ROBO2: variants seen among roughly 807,000 people sequenced by gnomAD.
The protein encoded by ROBO2 is roundabout guidance receptor 2.
Under a neutral mutation model 160.8 loss-of-function variants are expected in ROBO2, and 53 were observed. The ratio of observed to expected loss-of-function variants is 0.33; its 90% confidence interval spans 0.26 to 0.41. The LOEUF is 0.41. Among genes scored for constraint, ROBO2 ranks in the 10% least tolerant of loss-of-function variants. The probability of loss-of-function intolerance (pLI) is 1.00; values close to 1 mark genes in which losing one functional copy is unlikely to be tolerated. For synonymous variants in ROBO2, 664 were observed against 611.7 expected (o/e 1.09, Z -1.26); for missense variants, 1,577 against 1,722.4 (o/e 0.92, Z 1.49).
intron 2 of ROBO2, among the ~76,000 whole-genome samples, chr3:77,258,340 G>A (rs2153324872): frequency 6.6e-6 from 1 of 152,214 alleles, no homozygotes; most frequent in African/African-American, 2.4e-5. Flanking sequence ...AGGGAAATAT[G>A]AGTGCTATAA....
chr3:77,070,464 G>T (rs955918130), intron 1 of ROBO2, among the ~76,000 whole-genome samples: 4 of 151,968 alleles, frequency 2.6e-5, no homozygotes, highest in Non-Finnish European at 5.9e-5. Flanking sequence ...ATTGAACTTA[G>T]AACCCACCAT....
In ROBO2 at chr3:76,795,132, ACTG is replaced by A. The variant is rs553682461; in HGVS notation, c.110-302879_110-302877del. On this transcript the variant is annotated intron_variant, in intron 2 of 26. Transcript: ENST00000487694. ...TAATAAAAATAATTCGTAGCTGAAAACTGCTAATTATCATCTGAGACGTCAGCA... is the reference window on the plus strand; with the variant it reads ...TAATAAAAATAATTCGTAGCTGAAAACTAATTATCATCTGAGACGTCAGCA... Among the ~76,000 whole-genome samples the A allele has an allele frequency of 1.4e-3, 217 of 152,200 alleles. 1 individual carries two copies. The highest frequency in any genetic ancestry group is 5.1e-3 in the African/African-American group (212 of 41,562).
intron 2 of ROBO2, among the ~76,000 whole-genome samples, chr3:77,430,057 A>G (rs2078621198): frequency 6.6e-6 from 1 of 152,174 alleles, no homozygotes; most frequent in South Asian, 2.1e-4. Context: ...CAGGCACTGA[A>G]TGATAGCTAG....
At chr3:77,458,435 A>G (rs968141329) in intron 2 of ROBO2, among the ~76,000 whole-genome samples, 2 of 152,172 alleles carry the variant, frequency 1.3e-5, no homozygotes, top group African/African-American at 4.8e-5. Flanking sequence ...TTGGAAGAAG[A>G]AGCTGGCTTA....
intron 13 of ROBO2, among the ~76,000 whole-genome samples, chr3:77,570,081 C>G (rs1394273558): frequency 6.6e-6 from 1 of 151,914 alleles, no homozygotes; most frequent in African/African-American, 2.4e-5. Flanking sequence ...AGATACAAAA[C>G]TAACAAAGCC....
At chr3:76,998,863 G>T (rs2061179990) in intron 2 of ROBO2, among the ~76,000 whole-genome samples, 1 of 152,072 alleles carries the variant, frequency 6.6e-6, no homozygotes, top group Admixed American at 6.6e-5. Flanking sequence ...CCTGATCATA[G>T]GAAACATTTT....
intron 2 of ROBO2, among the ~76,000 whole-genome samples, chr3:75,989,885 T>G (rs2065517453): frequency 6.6e-6 from 1 of 152,206 alleles, no homozygotes; most frequent in South Asian, 2.1e-4. Context: ...TGCAGGCCCA[T>G]TTTTGGCGAT....
At chr3:76,461,128 G>A (rs2106783612) in intron 2 of ROBO2, among the ~76,000 whole-genome samples, 1 of 152,306 alleles carries the variant, frequency 6.6e-6, no homozygotes, top group Non-Finnish European at 1.5e-5. Flanking sequence ...CATCTTCTGG[G>A]CTTCCAGGGA....
intron 2 of ROBO2, among the ~76,000 whole-genome samples, chr3:76,003,821 T>A (rs973747167): frequency 1.3e-5 from 2 of 152,178 alleles, no homozygotes; most frequent in Non-Finnish European, 2.9e-5. Flanking sequence ...CAGTGGCAAA[T>A]AAGCACTGAA....
intron 2 of ROBO2, among the ~76,000 whole-genome samples, chr3:76,209,872 C>T (rs553287319): frequency 1.3e-5 from 2 of 152,116 alleles, no homozygotes; most frequent in East Asian, 3.9e-4. Context: ...AATTTATCTT[C>T]TATGGAATAC....
At chr3:77,452,329 A>G (rs1476068673) in intron 2 of ROBO2, among the ~76,000 whole-genome samples, 2 of 152,170 alleles carry the variant, frequency 1.3e-5, no homozygotes, top group Non-Finnish European at 2.9e-5. Context: ...TCATAGGAAT[A>G]TTGTTTGGAA....
rs141974669 is a variant in ROBO2 at position 76,325,345 on chromosome 3, A to G, written c.109+387743A>G. 6.2e-3 allele frequency among the ~76,000 whole-genome samples: 949 copies of G among 152,344 alleles called. 9 individuals are homozygous for G. Among genetic ancestry groups the G allele is most frequent in the African/African-American group, 0.018 (739 of 41,588 alleles). ...TACAGTAGATTAAACTAAGTTTACT[A>G]TAGGATGCATTTCTATATATGGCAA... On this transcript the variant is annotated intron_variant, in intron 2 of 26. Coordinates refer to the ROBO2 transcript ENST00000487694.
intron 2 of ROBO2, among the ~76,000 whole-genome samples, chr3:76,495,213 C>CT (rs35543664): frequency 0.44 from 59,561 of 136,202 alleles, 12,860 homozygotes; most frequent in Non-Finnish European, 0.46. Context: ...TCTTCATTTC[C>CT]TTTTTTTTTT....
rs562080321 is a variant in ROBO2, at chr3:76,340,884, G to A, written c.109+403282G>A. Reference sequence around the variant, plus strand: ...TATAATATGTTAGTAATTAGCATGCGGAAATATCTTAATAAAAATTCTTCA... The same window carrying A: ...TATAATATGTTAGTAATTAGCATGCAGAAATATCTTAATAAAAATTCTTCA... On this transcript the variant is annotated intron_variant, in intron 2 of 26. Coordinates refer to the ROBO2 transcript ENST00000487694. Among the ~76,000 whole-genome samples, 47 of 152,132 alleles carry A rather than the reference G, an allele frequency of 3.1e-4. 1 individual carries two copies. Among genetic ancestry groups the A allele is most frequent in the African/African-American group, 9.9e-4 (41 of 41,516 alleles).
At chr3:76,745,940 G>A (rs1296939794) in intron 2 of ROBO2, among the ~76,000 whole-genome samples, 7 of 148,856 alleles carry the variant, frequency 4.7e-5, no homozygotes, top group East Asian at 2.0e-4. Flanking sequence ...CCATTAACTC[G>A]TCATTTAACA....
At chr3:77,437,840 G>C (rs1161909014) in intron 2 of ROBO2, among the ~76,000 whole-genome samples, 1 of 151,888 alleles carries the variant, frequency 6.6e-6, no homozygotes, top group Admixed American at 6.6e-5. Flanking sequence ...AATACACCCT[G>C]TCCTCTGACC....
At chr3:76,461,127 G>A (rs1431949899) in intron 2 of ROBO2, among the ~76,000 whole-genome samples, 3 of 152,282 alleles carry the variant, frequency 2.0e-5, no homozygotes, top group African/African-American at 7.2e-5. Flanking sequence ...GCATCTTCTG[G>A]GCTTCCAGGG....
intron 2 of ROBO2, among the ~76,000 whole-genome samples, chr3:76,189,334 T>A (rs1278268180): frequency 6.6e-6 from 1 of 152,138 alleles, no homozygotes; most frequent in South Asian, 2.1e-4. Flanking sequence ...GTGAAGAATT[T>A]AGGAGAAACC....
intron 2 of ROBO2, among the ~76,000 whole-genome samples, chr3:76,800,813 G>A (rs1167037): frequency 0.17 from 25,677 of 152,018 alleles, 2,507 homozygotes; most frequent in Non-Finnish European, 0.22. Context: ...GAACAGTATG[G>A]GGGTTCCTCA....
Sources: allele counts gnomAD v4.1 joint callset (sites outside exome capture counted in the v4.1 genomes callset), GRCh38; gene constraint gnomAD v4.1.1; transcripts MANE v1.5; gene names NCBI Gene and HGNC (gene_info 2026-07-23, HGNC 2026-07-21).